Variants in TCF12 observed in about 807,000 individuals in gnomAD.
The protein encoded by TCF12 is transcription factor 12.
Under a neutral mutation model 86.0 loss-of-function variants are expected in TCF12, and 45 were observed. The observed-to-expected ratio is 0.52, with a 90% CI of 0.41 to 0.67. TCF12 has a LOEUF of 0.67. Among genes scored for constraint, TCF12 ranks in the 30% least tolerant of loss-of-function variants. The probability of loss-of-function intolerance (pLI) is 0.00; values close to 1 mark genes in which losing one functional copy is unlikely to be tolerated. For synonymous variants in TCF12, 330 were observed against 299.6 expected (o/e 1.10, Z -1.05); for missense variants, 881 against 859.9 (o/e 1.02, Z -0.31).
intron 5 of TCF12, among the ~76,000 whole-genome samples, chr15:57,127,244 A>T (rs529090194): frequency 6.6e-6 from 1 of 151,936 alleles, no homozygotes; most frequent in African/African-American, 2.4e-5. Context: ...TGGCCTCCCA[A>T]AGTGCTGGGA....
chr15:57,005,527 T>C (rs2064316166), intron 3 of TCF12, among the ~76,000 whole-genome samples: 1 of 152,180 alleles, frequency 6.6e-6, no homozygotes, highest in African/African-American at 2.4e-5. Context: ...ATAACAGTTT[T>C]TGAGTATTTT....
intron 3 of TCF12, among the ~76,000 whole-genome samples, chr15:57,026,089 A>G (rs2065809761): frequency 6.6e-6 from 1 of 152,208 alleles, no homozygotes. Context: ...GAACAGAGAT[A>G]GGAAAATTCT....
chr15:57,087,875 G>A (rs1251264874), intron 4 of TCF12, among the ~76,000 whole-genome samples: 1 of 152,096 alleles, frequency 6.6e-6, no homozygotes, highest in Non-Finnish European at 1.5e-5. Flanking sequence ...GTATTGCTCT[G>A]TCCTTCATAA....
At chr15:57,190,568 G>A (rs8026702) in intron 6 of TCF12, among the ~76,000 whole-genome samples, 43,785 of 151,832 alleles carry the variant, frequency 0.29, 7,668 homozygotes, top group African/African-American at 0.49. Context: ...TCCTTTTGAG[G>A]TCTTCTTTCC....
intron 5 of TCF12, among the ~76,000 whole-genome samples, chr15:57,150,143 T>G (rs1398236300): frequency 1.3e-5 from 2 of 151,896 alleles, no homozygotes; most frequent in African/African-American, 4.8e-5. Flanking sequence ...AAGACAAAAA[T>G]CAGAATTCAG....
intron 3 of TCF12, among the ~76,000 whole-genome samples, chr15:56,998,131 A>G (rs2063808986): frequency 2.0e-5 from 3 of 152,224 alleles, no homozygotes; most frequent in Admixed American, 6.5e-5. Flanking sequence ...TACGAATAGA[A>G]CTAGTAGACA....
chr15:57,069,884 T>C (rs1215903660), intron 4 of TCF12, among the ~76,000 whole-genome samples: 2 of 152,216 alleles, frequency 1.3e-5, no homozygotes, highest in South Asian at 2.1e-4. Flanking sequence ...TTAGCAAGTA[T>C]AGTGTATTGG....
chr15:56,984,001 C>CAAAAAAAAAAAAAAAAAAAAAAAAAAA lies in TCF12; in HGVS notation c.148+62918_148+62919insAAAAAAAAAAAAAAAAAAAAAAAAAAA, dbSNP rs71113046. On this transcript the variant is annotated intron_variant, in intron 3 of 20. Transcript: ENST00000333725. Reference sequence around the variant, plus strand: ...TAGGCAACTGAGTGAGACCCTGTCTCAAAAAAAAAAAAAAAGAAGAAGAAG... The same window carrying CAAAAAAAAAAAAAAAAAAAAAAAAAAA: ...TAGGCAACTGAGTGAGACCCTGTCTCAAAAAAAAAAAAAAAAAAAAAAAAAAAAAAAAAAAAAAAAAAGAAGAAGAAG... Among the ~76,000 whole-genome samples, 17 of 43,050 alleles carry CAAAAAAAAAAAAAAAAAAAAAAAAAAA rather than the reference C, an allele frequency of 3.9e-4. 1 individual carries two copies. The highest frequency in any genetic ancestry group is 1.4e-3 in the African/African-American group (14 of 10,358). The allele number at this position is 43,050 out of a possible 152,430, so 28.2% of individuals were successfully genotyped here.
intron 7 of TCF12, among the ~76,000 whole-genome samples, chr15:57,194,269 C>A (rs2057135210): frequency 6.6e-6 from 1 of 152,086 alleles, no homozygotes; most frequent in Non-Finnish European, 1.5e-5. Context: ...ATGCCAGGGG[C>A]ATTGCTGTAC....
intron 6 of TCF12, among the ~76,000 whole-genome samples, chr15:57,167,460 C>T (rs2054985354): frequency 6.6e-6 from 1 of 151,846 alleles, no homozygotes; most frequent in Non-Finnish European, 1.5e-5. Context: ...GCTTGGGAGG[C>T]TGAAGCAGGA....
intron 3 of TCF12, among the ~76,000 whole-genome samples, chr15:56,958,063 T>A (rs796165370): frequency 6.6e-5 from 10 of 152,344 alleles, no homozygotes; most frequent in Admixed American, 5.9e-4. Context: ...CTTTTATCTT[T>A]TAGAGTTATT....
chr15:56,949,830 G>A (rs954068657), intron 3 of TCF12, among the ~76,000 whole-genome samples: 3 of 152,112 alleles, frequency 2.0e-5, no homozygotes, highest in African/African-American at 7.2e-5. Flanking sequence ...GGGTTATAGA[G>A]GTTAAAGCAG....
chr15:57,170,731 A>AT (rs1567559267), intron 6 of TCF12, among the ~76,000 whole-genome samples: 18 of 1,622 alleles, frequency 0.011, no homozygotes, highest in African/African-American at 0.03. Flanking sequence ...ATTATATATT[A>AT]TATATAATAT....
intron 8 of TCF12, among the ~76,000 whole-genome samples, chr15:57,198,976 G>GA (rs1273074985): frequency 6.6e-6 from 1 of 152,120 alleles, no homozygotes; most frequent in Non-Finnish European, 1.5e-5. Context: ...TGTGATACAT[G>GA]AAAAGTCGAA....
intron 3 of TCF12, among the ~76,000 whole-genome samples, chr15:57,052,448 C>T (rs1226505333): frequency 2.6e-5 from 4 of 151,924 alleles, no homozygotes. Context: ...GACAGCCTGG[C>T]TAACATGGTG....
intron 5 of TCF12, among the ~76,000 whole-genome samples, chr15:57,100,664 A>G (rs1218687105): frequency 6.6e-6 from 1 of 152,078 alleles, no homozygotes. Context: ...ATTCTCATAG[A>G]TGTTTGAACT....
chr15:57,025,271 G>A (rs1567275198), intron 3 of TCF12, among the ~76,000 whole-genome samples: 1 of 152,104 alleles, frequency 6.6e-6, no homozygotes, highest in Non-Finnish European at 1.5e-5. Context: ...GTAGAGAGGA[G>A]GTTTCACCAT....
chr15:56,979,083 A>T (rs1175525992), intron 3 of TCF12, among the ~76,000 whole-genome samples: 8 of 152,152 alleles, frequency 5.3e-5, no homozygotes, highest in Non-Finnish European at 1.2e-4. Context: ...TGGATGGCCG[A>T]CATTTTGCTT....
At chr15:56,987,473 G>A (rs1374001199) in intron 3 of TCF12, among the ~76,000 whole-genome samples, 1 of 152,046 alleles carries the variant, frequency 6.6e-6, no homozygotes, top group Non-Finnish European at 1.5e-5. Flanking sequence ...TGTGTCCTCA[G>A]AATAAATGTT....
Sources: allele counts gnomAD v4.1 joint callset (sites outside exome capture counted in the v4.1 genomes callset), GRCh38; gene constraint gnomAD v4.1.1; transcripts MANE v1.5; gene names NCBI Gene and HGNC (gene_info 2026-07-23, HGNC 2026-07-21).